Variants in SEMA3C observed in about 807,000 individuals in gnomAD.
SEMA3C encodes semaphorin 3C.
SEMA3C carries 47 observed loss-of-function variants against 89.4 expected under a neutral mutation model. That is an observed-to-expected ratio of 0.53 (90% CI 0.42 to 0.67). The LOEUF (loss-of-function observed/expected upper bound fraction) is 0.67. Ranked by LOEUF, SEMA3C falls within the 30% of genes least tolerant of loss-of-function variation. The probability of loss-of-function intolerance (pLI) is 0.00; values close to 1 mark genes in which losing one functional copy is unlikely to be tolerated. For missense variants in SEMA3C, 839 were observed against 929.1 expected (o/e 0.90, Z 1.26); for synonymous variants, 310 against 320.2 (o/e 0.97, Z 0.34).
At chr7:80,865,072 T>C (rs7801881) in intron 2 of SEMA3C, among the ~76,000 whole-genome samples, 15,574 of 152,194 alleles carry the variant, frequency 0.1, 1,118 homozygotes, top group African/African-American at 0.19. Flanking sequence ...TAATCATTTG[T>C]GGCATTTACA....
chr7:80,905,066 T>C (rs997052316), intron 2 of SEMA3C, among the ~76,000 whole-genome samples: 1 of 151,574 alleles, frequency 6.6e-6, no homozygotes, highest in African/African-American at 2.4e-5. Flanking sequence ...TTTTGAACTC[T>C]GGGTATGAAA....
rs370298674 is a variant in SEMA3C, at chr7:80,805,588, A to G, written c.658+51T>C. 1.4e-5 allele frequency: 21 copies of G among 1,504,940 alleles called. 1 individual carries two copies. In the African/African-American group the frequency reaches 2.7e-4, roughly 19 times the overall value. 93.2% of individuals were successfully genotyped at this position (1,504,940 alleles called of 1,614,324 possible). A position where few individuals can be genotyped will look rare whatever the true frequency, so the allele number is the denominator to read the frequency against. Reference sequence around the variant, plus strand: ...CCTAGTTGTTAGGATAGAATTAAATAAGTTAGTTTAACACGATACTAAAAA... The same window carrying G: ...CCTAGTTGTTAGGATAGAATTAAATGAGTTAGTTTAACACGATACTAAAAA... On this transcript the variant is annotated intron_variant, in intron 7 of 17. Transcript: ENST00000265361.
At chr7:80,874,257 G>C (rs1791144808) in intron 2 of SEMA3C, among the ~76,000 whole-genome samples, 1 of 152,132 alleles carries the variant, frequency 6.6e-6, no homozygotes, top group African/African-American at 2.4e-5. Context: ...ATTAGCAGTG[G>C]TGTTTACAGC....
chr7:80,862,517 A>G (rs1392402718), intron 2 of SEMA3C, among the ~76,000 whole-genome samples: 2 of 152,152 alleles, frequency 1.3e-5, no homozygotes, highest in Non-Finnish European at 2.9e-5. Context: ...CCATACTACC[A>G]AAAGCAATCT....
At chr7:80,796,904 T>G (rs1006612071) in intron 11 of SEMA3C, among the ~76,000 whole-genome samples, 2 of 151,994 alleles carry the variant, frequency 1.3e-5, no homozygotes, top group Non-Finnish European at 2.9e-5. Flanking sequence ...ATCTTCAATT[T>G]TCAAAAAATT....
intron 15 of SEMA3C, among the ~76,000 whole-genome samples, chr7:80,754,966 T>TGTTTTTTTTG (rs1554359518): frequency 2.9e-5 from 4 of 139,096 alleles, no homozygotes; most frequent in Admixed American, 1.5e-4. Flanking sequence ...TGTTTTTTTT[T>TGTTTTTTTTG]TTTTTGTATT....
At chr7:80,745,592 G>A (rs1174606135) in intron 17 of SEMA3C, among the ~76,000 whole-genome samples, 2 of 151,698 alleles carry the variant, frequency 1.3e-5, no homozygotes, top group Non-Finnish European at 2.9e-5. Context: ...CTGGATAGAT[G>A]TTTCTCCATA....
chr7:80,907,624 A>G (rs1792046579), intron 2 of SEMA3C, among the ~76,000 whole-genome samples: 1 of 152,074 alleles, frequency 6.6e-6, no homozygotes, highest in African/African-American at 2.4e-5. Flanking sequence ...ATATAATGGC[A>G]ATGAGACTCC....
intron 12 of SEMA3C, among the ~76,000 whole-genome samples, chr7:80,769,317 T>C (rs1788374291): frequency 6.6e-6 from 1 of 152,140 alleles, no homozygotes; most frequent in South Asian, 2.1e-4. Flanking sequence ...ATAACACAGC[T>C]CCAAATAAAA....
chr7:80,755,170 A>G (rs1225990794), intron 15 of SEMA3C, among the ~76,000 whole-genome samples: 1 of 151,616 alleles, frequency 6.6e-6, no homozygotes, highest in African/African-American at 2.4e-5. Flanking sequence ...CAGGCATGAT[A>G]TTGTAAATGC....
At chr7:80,843,961 C>T (rs1303055647) in intron 2 of SEMA3C, among the ~76,000 whole-genome samples, 1 of 152,100 alleles carries the variant, frequency 6.6e-6, no homozygotes, top group African/African-American at 2.4e-5. Context: ...GAAGAGTTTA[C>T]AAGCACTACC....
chr7:80,919,221 G>T, upstream of SEMA3C: 1 of 985,140 alleles, frequency 1.0e-6, no homozygotes, highest in Non-Finnish European at 1.2e-6. Context: ...GCGCGCCCGC[G>T]AGAGCCTGGC....
Position 80,789,287 on chromosome 7 carries a change from C to T in SEMA3C, c.1354+19G>A. The T allele has an allele frequency of 1.3e-6, 2 of 1,598,244 alleles. No individual in the cohort carries two copies. The highest frequency in any genetic ancestry group is 1.7e-6 in the Non-Finnish European group (2 of 1,167,600). On this transcript the variant is annotated intron_variant, in intron 12 of 17. Transcript: ENST00000265361. Reference sequence around the variant, plus strand: ...TCTTTTACTACACATTAAAGCATATCTTGGGCTCAAATATTTACCTGTTCC... The same window carrying T: ...TCTTTTACTACACATTAAAGCATATTTTGGGCTCAAATATTTACCTGTTCC...
chr7:80,847,333 C>T (rs1489069438), intron 2 of SEMA3C: 1 of 152,132 alleles, frequency 6.6e-6, no homozygotes, highest in Non-Finnish European at 1.5e-5. Context: ...GTTTCTGTGT[C>T]TTCGTTTTGT....
intron 12 of SEMA3C, among the ~76,000 whole-genome samples, chr7:80,782,950 T>G (rs1216570470): frequency 6.6e-6 from 1 of 152,114 alleles, no homozygotes; most frequent in Non-Finnish European, 1.5e-5. Context: ...TAAATATATA[T>G]TTATTTGCCT....
chr7:80,806,547 T>C (rs996804020), intron 6 of SEMA3C, among the ~76,000 whole-genome samples: 2 of 152,128 alleles, frequency 1.3e-5, no homozygotes, highest in Non-Finnish European at 2.9e-5. Flanking sequence ...TAAAATTAAA[T>C]AAATTTTCAC....
chr7:80,797,132 A>T (rs1789084236), intron 11 of SEMA3C, among the ~76,000 whole-genome samples: 1 of 152,152 alleles, frequency 6.6e-6, no homozygotes, highest in Admixed American at 6.5e-5. Context: ...GTTCATATTT[A>T]TCCATTTTAT....
At chr7:80,886,998 T>C (rs891217595) in intron 2 of SEMA3C, among the ~76,000 whole-genome samples, 4 of 152,148 alleles carry the variant, frequency 2.6e-5, no homozygotes, top group Admixed American at 6.5e-5. Context: ...TTGTATAAAA[T>C]CATTAATATG....
At chr7:80,771,616 C>G (rs1175222148) in intron 12 of SEMA3C, among the ~76,000 whole-genome samples, 1 of 152,152 alleles carries the variant, frequency 6.6e-6, no homozygotes, top group African/African-American at 2.4e-5. Context: ...TGATCAAACA[C>G]AGCTCACTAC....
Sources: gnomAD v4.1 joint callset for allele counts (sites outside exome capture counted in the v4.1 genomes callset) on GRCh38, gnomAD v4.1.1 for gene constraint, MANE v1.5 for transcripts, NCBI Gene and HGNC (gene_info 2026-07-23, HGNC 2026-07-21) for gene names.